The following AK9 variants were observed in gnomAD, a reference collection of about 807,000 sequenced individuals.
The protein encoded by AK9 is adenylate kinase domain containing 1.
In AK9, 191 loss-of-function variants were observed where a neutral mutation model predicts 239.6. That is an observed-to-expected ratio of 0.80 (90% CI 0.71 to 0.90). The LOEUF is 0.90. AK9 is among the 40% of genes least tolerant of loss of function. The pLI is 0.00. For missense variants in AK9, 1,995 were observed against 2,214.7 expected (o/e 0.90, Z 1.99); for synonymous variants, 689 against 721.0 (o/e 0.96, Z 0.71).
intron 1 of AK9, among the ~76,000 whole-genome samples, chr6:109,686,160 T>C (rs1287963485): frequency 6.6e-6 from 1 of 152,162 alleles, no homozygotes. Flanking sequence ...TGAGACAATA[T>C]AGTATAAAGG....
At chr6:109,493,617 G>T in intron 40 of AK9, 46 bp from the exon 41 acceptor site, 1 of 1,528,968 alleles carries the variant, frequency 6.5e-7, no homozygotes, top group Non-Finnish European at 9.0e-7. Context: ...GCTAGTTAGT[G>T]AGTCATTAAA....
At chr6:109,657,980 T>TA (rs1464847995) in intron 7 of AK9, among the ~76,000 whole-genome samples, 4 of 152,316 alleles carry the variant, frequency 2.6e-5, no homozygotes, top group Middle Eastern at 3.4e-3. Context: ...ATTCTCTATA[T>TA]AAGCCATTTT....
Position 109,644,659 on chromosome 6 carries a change from A to G in AK9, c.789T>C (p.Tyr263=). The change falls in exon 9 of 41, where the codon TAT becomes TAC. Residue 263 remains tyrosine (Y), a synonymous_variant. Coordinates refer to ENST00000424296, the MANE Select transcript of AK9 (RefSeq NM_001145128.3). ...EEVMAEHNPQ[Y]LIELNGNKPA... ...GTTTATTTCCATTTAGCTCAATGAG[A>G]TACTGGGGATTGTGTTCAGCCATTA... is the stretch of plus-strand genomic sequence containing the variant. The G allele has an allele frequency of 6.2e-7, 1 of 1,613,048 alleles. No individual in the cohort carries two copies. Among genetic ancestry groups the G allele is most frequent in the Non-Finnish European group, 8.5e-7 (1 of 1,179,876 alleles).
chr6:109,680,994 T>C (rs1347527280), intron 1 of AK9, among the ~76,000 whole-genome samples: 1 of 152,066 alleles, frequency 6.6e-6, no homozygotes, highest in Non-Finnish European at 1.5e-5. Context: ...CTGAAAAACA[T>C]ACCAAATTGT....
At chr6:109,550,408 G>T (rs1160293725) in intron 24 of AK9, 106 bp from the exon 25 acceptor site, 1 of 983,248 alleles carries the variant, frequency 1.0e-6, no homozygotes, top group South Asian at 1.8e-5. Context: ...GTAGCAACTT[G>T]AAAACTATCC....
At chr6:109,666,931 T>G (rs922550903) in intron 5 of AK9, among the ~76,000 whole-genome samples, 2 of 152,162 alleles carry the variant, frequency 1.3e-5, no homozygotes, top group East Asian at 3.9e-4. Flanking sequence ...ATGCCCAGAC[T>G]GGGGCTATTC....
chr6:109,567,036 A>T (rs150419041), intron 21 of AK9, among the ~76,000 whole-genome samples: 1 of 152,320 alleles, frequency 6.6e-6, no homozygotes, highest in Non-Finnish European at 1.5e-5. Flanking sequence ...AAGCAAGAGC[A>T]AACAAATTCA....
intron 20 of AK9, among the ~76,000 whole-genome samples, chr6:109,576,733 G>A (rs963688625): frequency 3.3e-5 from 5 of 151,650 alleles, no homozygotes; most frequent in Non-Finnish European, 7.4e-5. Context: ...GAATAGCAGT[G>A]GTGAAAGTGG....
intron 1 of AK9, among the ~76,000 whole-genome samples, chr6:109,676,804 T>C (rs1380166924): frequency 6.6e-6 from 1 of 151,996 alleles, no homozygotes. Flanking sequence ...CATATGCTCA[T>C]CACAACACTA....
intron 12 of AK9, among the ~76,000 whole-genome samples, chr6:109,624,812 T>C (rs767238620): frequency 1.3e-5 from 2 of 152,194 alleles, no homozygotes; most frequent in Non-Finnish European, 2.9e-5. Context: ...TGGTAGCTCC[T>C]ACAAGAATTC....
At chr6:109,651,902 G>A (rs1799009711) in intron 8 of AK9, among the ~76,000 whole-genome samples, 1 of 152,096 alleles carries the variant, frequency 6.6e-6, no homozygotes, top group South Asian at 2.1e-4. Flanking sequence ...TGAAATTGAG[G>A]CAATAATTAA....
intron 12 of AK9, among the ~76,000 whole-genome samples, chr6:109,623,540 A>G (rs1165514096): frequency 6.6e-6 from 1 of 152,098 alleles, no homozygotes; most frequent in Non-Finnish European, 1.5e-5. Flanking sequence ...GCCCCAGATG[A>G]CATCTTACCT....
chr6:109,544,870 A>C (rs1783334594), intron 26 of AK9, among the ~76,000 whole-genome samples: 1 of 152,204 alleles, frequency 6.6e-6, no homozygotes, highest in South Asian at 2.1e-4. Context: ...ACAATAATGG[A>C]AAAGTTTATT....
intron 8 of AK9, among the ~76,000 whole-genome samples, chr6:109,648,443 T>G (rs936035626): frequency 6.6e-6 from 1 of 152,180 alleles, no homozygotes; most frequent in Non-Finnish European, 1.5e-5. Context: ...GAAACTATCA[T>G]AAGAGAATAC....
chr6:109,657,641 C>T (rs1187157945), intron 7 of AK9, among the ~76,000 whole-genome samples: 2 of 151,452 alleles, frequency 1.3e-5, no homozygotes, highest in Non-Finnish European at 2.9e-5. Context: ...TGTTGGTGTG[C>T]TTCACCCATT....
At chr6:109,551,434 A>G (rs1784338870) in intron 24 of AK9, among the ~76,000 whole-genome samples, 1 of 150,868 alleles carries the variant, frequency 6.6e-6, no homozygotes, top group Admixed American at 6.6e-5. Context: ...CAGGAGAATC[A>G]CTTGAGTCCG....
At chr6:109,533,212 T>C (rs1781510401) in intron 28 of AK9, 39 bp downstream of exon 28, 2 of 1,487,938 alleles carry the variant, frequency 1.3e-6, no homozygotes, top group Non-Finnish European at 1.8e-6. Flanking sequence ...AAACAGATGC[T>C]GAACAGATTT....
intron 12 of AK9, among the ~76,000 whole-genome samples, chr6:109,621,646 A>G (rs1322338649): frequency 8.9e-6 from 1 of 112,794 alleles, no homozygotes; most frequent in African/African-American, 3.6e-5. Context: ...GCAAGAACAA[A>G]AAACCAAACA....
At position 109,493,344 on chromosome 6, in the gene AK9, T is replaced by C; in HGVS notation, c.*25A>G. ...TATCACTTTCAGATAACTCTTGAGA[T>C]TCAGGCTGCTATCACCTAAGTAAAC... On this transcript the variant is annotated 3_prime_UTR_variant, in exon 41 of 41. Transcript: ENST00000424296. 6.3e-7 allele frequency: 1 copy of C among 1,596,290 alleles called. No individual in the cohort carries two copies.
Sources: gnomAD v4.1 joint callset for allele counts (sites outside exome capture counted in the v4.1 genomes callset) on GRCh38, gnomAD v4.1.1 for gene constraint, MANE v1.5 for transcripts, NCBI Gene and HGNC (gene_info 2026-07-23, HGNC 2026-07-21) for gene names.